MINDY2: variants seen among roughly 807,000 people sequenced by gnomAD.
MINDY2 encodes the protein ubiquitin carboxyl-terminal hydrolase MINDY-2.
In MINDY2, 52 loss-of-function variants were observed where a neutral mutation model predicts 68.2. That is an observed-to-expected ratio of 0.76 (90% CI 0.61 to 0.96). The LOEUF is 0.96. MINDY2 is among the 40% of genes least tolerant of loss of function. MINDY2 has a pLI of 0.00. For synonymous variants in MINDY2, 372 were observed against 303.0 expected (o/e 1.23, Z -2.36); for missense variants, 881 against 773.4 (o/e 1.14, Z -1.65).
chr15:58,789,455 GA>G (rs1356697737), intron 2 of MINDY2, among the ~76,000 whole-genome samples: 1 of 151,108 alleles, frequency 6.6e-6, no homozygotes, highest in Non-Finnish European at 1.5e-5. Context: ...AATTTTAGAA[GA>G]TTTTTTTTTT....
At chr15:58,787,674 T>A (rs1222049798) in intron 1 of MINDY2, among the ~76,000 whole-genome samples, 1 of 150,152 alleles carries the variant, frequency 6.7e-6, no homozygotes, top group African/African-American at 2.5e-5. Flanking sequence ...GAGGCGCAGC[T>A]TGCAGTGAGC....
chr15:58,852,173 C>T (rs546418972), intron 8 of MINDY2, among the ~76,000 whole-genome samples: 1 of 148,924 alleles, frequency 6.7e-6, no homozygotes, highest in African/African-American at 2.5e-5. Context: ...CTTGTAATCC[C>T]AGCTACTGGG....
chr15:58,782,157 TTC>T (rs1442124410), intron 1 of MINDY2, among the ~76,000 whole-genome samples: 1 of 152,158 alleles, frequency 6.6e-6, no homozygotes, highest in Non-Finnish European at 1.5e-5. Context: ...CGGGTAAAGC[TTC>T]TCTTTGATTC....
chr15:58,805,415 A>C (rs1386520894), intron 3 of MINDY2, among the ~76,000 whole-genome samples: 1 of 152,236 alleles, frequency 6.6e-6, no homozygotes, highest in Admixed American at 6.5e-5. Context: ...TAATGTAAGC[A>C]AAGAGCCTAT....
chr15:58,849,538 G>A (rs1307229404), intron 7 of MINDY2, among the ~76,000 whole-genome samples: 11 of 152,182 alleles, frequency 7.2e-5, no homozygotes, highest in African/African-American at 2.4e-4. Context: ...GGGAATGAAG[G>A]CAGAGTGATA....
At chr15:58,792,910 G>A (rs1244693372) in intron 2 of MINDY2, among the ~76,000 whole-genome samples, 1 of 151,570 alleles carries the variant, frequency 6.6e-6, no homozygotes, top group African/African-American at 2.4e-5. Flanking sequence ...GCTGAGGTGG[G>A]AGGATCACTT....
rs1485130359 is a variant in MINDY2 at position 58,771,762 on chromosome 15, T to C, written c.367T>C (p.Leu123=). The C allele has an allele frequency of 6.2e-7, 1 of 1,610,918 alleles. No homozygotes were observed. Among genetic ancestry groups the C allele is most frequent in the African/African-American group, 1.3e-5 (1 of 74,774 alleles). Residue 123 remains leucine (L), a synonymous_variant, in exon 1 of 9, where the codon TTG becomes CTG. Coordinates refer to ENST00000559228, the MANE Select transcript of MINDY2 (RefSeq NM_001040450.3). ...ETAVAGVGHE[L]GTAGDAGARP... is the part of the protein sequence containing the mutation. ...AGCCGTGGCCGGAGTGGGTCATGAG[T>C]TGGGTACCGCCGGAGACGCGGGAGC...
chr15:58,783,612 A>G (rs1434314528), intron 1 of MINDY2, among the ~76,000 whole-genome samples: 2 of 151,986 alleles, frequency 1.3e-5, no homozygotes, highest in Admixed American at 1.3e-4. Context: ...TCTATTCCCA[A>G]ATTTACTTTA....
At chr15:58,789,985 C>T (rs576141864) in intron 2 of MINDY2, among the ~76,000 whole-genome samples, 100 of 151,854 alleles carry the variant, frequency 6.6e-4, no homozygotes, top group African/African-American at 2.3e-3. Flanking sequence ...CACTGTGTTT[C>T]CCAGGCTTGT....
At chr15:58,846,595 CAAAA>C (rs11335033) in intron 6 of MINDY2, among the ~76,000 whole-genome samples, 1 of 98,246 alleles carries the variant, frequency 1.0e-5, no homozygotes, top group Non-Finnish European at 2.0e-5. Flanking sequence ...TGAGACTCCT[CAAAA>C]AAAAAAAAAA....
At chr15:58,801,280 AG>A (rs1440087515) in intron 2 of MINDY2, among the ~76,000 whole-genome samples, 24 of 146,054 alleles carry the variant, frequency 1.6e-4, no homozygotes, top group African/African-American at 6.0e-4. Context: ...AGCCCAGTTT[AG>A]CTTTTACAGT....
At chr15:58,780,368 C>T (rs534740312) in intron 1 of MINDY2, among the ~76,000 whole-genome samples, 1 of 151,888 alleles carries the variant, frequency 6.6e-6, no homozygotes, top group East Asian at 1.9e-4. Flanking sequence ...CGCCATTGCA[C>T]TCCAGCCTGG....
At chr15:58,849,030 C>T (rs544864897) in intron 7 of MINDY2, among the ~76,000 whole-genome samples, 3 of 151,650 alleles carry the variant, frequency 2.0e-5, no homozygotes, top group African/African-American at 4.9e-5. Context: ...GCCAACATGG[C>T]GAAACCCTGT....
chr15:58,796,016 G>A (rs1902259282), intron 2 of MINDY2: 1 of 447,388 alleles, frequency 2.2e-6, no homozygotes, highest in South Asian at 1.6e-5. Context: ...ACTTGGCAGT[G>A]TGGTTATTGT....
intron 2 of MINDY2, among the ~76,000 whole-genome samples, chr15:58,798,735 C>T (rs148742923): frequency 1.2e-4 from 18 of 152,290 alleles, no homozygotes; most frequent in African/African-American, 3.4e-4. Context: ...GGATTACAGA[C>T]GTCAGCCACC....
chr15:58,797,744 C>T (rs1902379139), intron 2 of MINDY2, among the ~76,000 whole-genome samples: 1 of 152,168 alleles, frequency 6.6e-6, no homozygotes, highest in Non-Finnish European at 1.5e-5. Context: ...TTATCACTAG[C>T]ACTCTACTTG....
chr15:58,841,995 G>A (rs1175517464), intron 6 of MINDY2, among the ~76,000 whole-genome samples: 1 of 150,832 alleles, frequency 6.6e-6, no homozygotes, highest in African/African-American at 2.4e-5. Context: ...CATTTTTATG[G>A]CCCTCCTTCA....
chr15:58,783,068 TG>T (rs1468704972), intron 1 of MINDY2, among the ~76,000 whole-genome samples: 3 of 151,712 alleles, frequency 2.0e-5, no homozygotes, highest in African/African-American at 7.3e-5. Context: ...TACAGACACC[TG>T]CCACCGCGCC....
At chr15:58,792,818 C>A (rs569837699) in intron 2 of MINDY2, among the ~76,000 whole-genome samples, 1 of 152,124 alleles carries the variant, frequency 6.6e-6, no homozygotes, top group East Asian at 1.9e-4. Flanking sequence ...TACAAAAGAC[C>A]ATATAGTGTA....
Sources: gnomAD v4.1 joint callset for allele counts (sites outside exome capture counted in the v4.1 genomes callset) on GRCh38, gnomAD v4.1.1 for gene constraint, MANE v1.5 for transcripts, NCBI Gene and HGNC (gene_info 2026-07-23, HGNC 2026-07-21) for gene names.